The following ABCA12 variants were observed in gnomAD, a reference collection of about 807,000 sequenced individuals.
The protein encoded by ABCA12 is ATP binding cassette subfamily A member 12, also known as glucosylceramide transporter ABCA12.
In ABCA12, 156 loss-of-function variants were observed where a neutral mutation model predicts 293.5. The observed-to-expected ratio is 0.53, with a 90% CI of 0.47 to 0.61. The LOEUF (loss-of-function observed/expected upper bound fraction) is 0.61, where lower values mean the gene tolerates loss of function less well. Among genes scored for constraint, ABCA12 ranks in the 20% least tolerant of loss-of-function variants. ABCA12 has a pLI of 0.00. For missense variants in ABCA12, 2,797 were observed against 3,090.2 expected, an observed-to-expected ratio of 0.91 and a Z score of 2.25; for synonymous variants, 1,063 against 1,108.0, an observed-to-expected ratio of 0.96 and a Z score of 0.81.
At chr2:215,106,228 C>G (rs184119997) in intron 2 of ABCA12, among the ~76,000 whole-genome samples, 6 of 152,210 alleles carry the variant, frequency 3.9e-5, no homozygotes, top group African/African-American at 1.2e-4. Context: ...ACAATTCGGG[C>G]GCTGGAGTCA....
At chr2:214,957,593 C>G (rs1218603314) in intron 41 of ABCA12, among the ~76,000 whole-genome samples, 2 of 152,190 alleles carry the variant, frequency 1.3e-5, no homozygotes, top group Non-Finnish European at 2.9e-5. Flanking sequence ...GTTAATTACT[C>G]TCCAACCCTT....
chr2:214,979,021 T>C lies in ABCA12; in HGVS notation c.4760A>G (p.Asn1587Ser). The change falls in exon 32 of 53, where the codon AAT becomes AGT. Residue 1587 changes from asparagine to serine, a missense_variant. Coordinates refer to ENST00000272895, the MANE Select transcript of ABCA12 (RefSeq NM_173076.3). ...CACGGCCATGGTGTCACATACTGCA[T>C]TTGCATTTAAATTTGGACTCTAAGA... ...TKKKSPNLNA[N>S]AVCDTMAVTA... is the part of the protein sequence containing the mutation. 6.2e-7 allele frequency: 1 copy of C among 1,614,044 alleles called. No homozygotes were observed. The highest frequency in any genetic ancestry group is 1.3e-5 in the African/African-American group (1 of 75,040).
At chr2:215,110,493 C>T (rs867970746) in intron 2 of ABCA12, among the ~76,000 whole-genome samples, 2 of 152,010 alleles carry the variant, frequency 1.3e-5, no homozygotes, top group African/African-American at 4.8e-5. Context: ...CCAGCCTGGG[C>T]GACAGAGTGA....
chr2:215,119,036 T>C (rs1282876668), intron 1 of ABCA12, among the ~76,000 whole-genome samples: 1 of 152,224 alleles, frequency 6.6e-6, no homozygotes, highest in Non-Finnish European at 1.5e-5. Flanking sequence ...AGTGGTACGA[T>C]CTCGGCTCAC....
rs374169066 is a variant in ABCA12 at position 215,012,125 on chromosome 2, G to A, written c.1967C>T (p.Pro656Leu). The change falls in exon 16 of 53, where the codon CCG (proline) becomes CTG (leucine). Residue 656 changes from proline (P) to leucine (L), a missense_variant. Pro to Leu is a moderately conservative substitution (Grantham distance 98). This residue lies in a region of ABCA12 where 2,130 missense variants were observed against 2,427.0 expected (regional missense o/e 0.88). Transcript: ENST00000272895. ...IYNFTYKVFFPRKDQKPVEKM... is the reference protein window; with the variant it reads ...IYNFTYKVFFLRKDQKPVEKM... ...TTCTACTGGCTTTTGATCTTTCCTC[G>A]GGAAAAACACCTAACAGAAACAGAA... 246 of 1,613,442 alleles carry A rather than the reference G, an allele frequency of 1.5e-4. 2 individuals are homozygous for A. Among genetic ancestry groups the A allele is most frequent in the South Asian group, 1.5e-3 (133 of 91,064 alleles).
chr2:215,051,644 G>GTGTGTGTGTA (rs1701323236), intron 5 of ABCA12, among the ~76,000 whole-genome samples: 1 of 148,180 alleles, frequency 6.7e-6, no homozygotes, highest in Non-Finnish European at 1.5e-5. Context: ...GTGTGTGTGT[G>GTGTGTGTGTA]TGTGAAGGTG....
chr2:215,024,701 T>C (rs965399697), intron 11 of ABCA12, among the ~76,000 whole-genome samples: 8 of 152,338 alleles, frequency 5.3e-5, no homozygotes, highest in African/African-American at 1.9e-4. Context: ...AATTATACCA[T>C]GTTCACTATA....
chr2:214,949,179 G>C (rs1484198457), intron 45 of ABCA12, 30 bp from the exon 46 acceptor site: 22 of 1,510,840 alleles, frequency 1.5e-5, no homozygotes, highest in Non-Finnish European at 2.0e-5. Flanking sequence ...GAAGATATAA[G>C]CCTTAATCCA....
rs118054607 is a variant in ABCA12, at chr2:214,973,286, A to G, written c.5562+663T>C. Among the ~76,000 whole-genome samples, 9 of 152,338 alleles carry G rather than the reference A, an allele frequency of 5.9e-5. No individual in the cohort carries two copies. In the East Asian group the frequency reaches 1.7e-3, roughly 29 times the overall value. On this transcript the variant is annotated intron_variant, in intron 36 of 52. Transcript: ENST00000272895. ...CCAAGACACTTCAGTGTACAACCAT[A>G]TGTCACTCTGAAGAAAATATTGCAA... is the stretch of plus-strand genomic sequence containing the variant.
At chr2:215,047,944 C>T (rs770448292) in intron 6 of ABCA12, among the ~76,000 whole-genome samples, 1 of 150,146 alleles carries the variant, frequency 6.7e-6, no homozygotes. Flanking sequence ...TAATATCCAA[C>T]ATCTATAAGG....
Position 215,019,716 on chromosome 2 carries a change from A to G in ABCA12, c.1368T>C (p.Ser456=), listed in dbSNP as rs982992684. The change falls in exon 12 of 53, where the codon TCT becomes TCC. Residue 456 remains serine (S), a synonymous_variant. Transcript: ENST00000272895. ...CACACAGGCTCCCAAAGCTCATATC[A>G]GAGAGCTGGCATGACTTCTCTATCA... ...FSLIEKSCQL[S]DMSFGSLCEE... The G allele has an allele frequency of 1.9e-6, 3 of 1,614,192 alleles. No individual in the cohort carries two copies. Among genetic ancestry groups the G allele is most frequent in the Non-Finnish European group, 2.5e-6 (3 of 1,180,032 alleles).
intron 33 of ABCA12, among the ~76,000 whole-genome samples, chr2:214,976,794 T>G (rs980618387): frequency 4.6e-5 from 7 of 152,144 alleles, no homozygotes; most frequent in African/African-American, 1.7e-4. Flanking sequence ...AGAGCAGCTA[T>G]AGAGGCCATA....
chr2:215,015,102 T>A (rs527985533), intron 15 of ABCA12, among the ~76,000 whole-genome samples: 1 of 152,234 alleles, frequency 6.6e-6, no homozygotes, highest in Non-Finnish European at 1.5e-5. Flanking sequence ...TATTTTTAAT[T>A]AAGAAACCCC....
At chr2:214,991,135 G>T in intron 23 of ABCA12, 104 bp from the exon 24 acceptor site, 1 of 1,007,240 alleles carries the variant, frequency 9.9e-7, no homozygotes, top group Admixed American at 2.0e-5. Context: ...CTCTGTATAT[G>T]GAACTAGGCA....
intron 19 of ABCA12, among the ~76,000 whole-genome samples, chr2:215,005,151 C>G (rs376139057): frequency 6.6e-6 from 1 of 152,048 alleles, no homozygotes; most frequent in African/African-American, 2.4e-5. Context: ...GAGGTAAGGG[C>G]TATTATTACC....
At chr2:215,086,872 T>C (rs1702049972) in intron 2 of ABCA12, among the ~76,000 whole-genome samples, 1 of 152,094 alleles carries the variant, frequency 6.6e-6, no homozygotes, top group African/African-American at 2.4e-5. Context: ...GCCAACAAGA[T>C]TGTAGGGGAC....
In ABCA12 at chr2:214,989,313, G is replaced by C; in HGVS notation, c.3829+16C>G. 3 of 1,611,024 alleles carry C rather than the reference G, an allele frequency of 1.9e-6. No homozygotes were observed. Among genetic ancestry groups the C allele is most frequent in the Non-Finnish European group, 2.5e-6 (3 of 1,179,050 alleles). ...CAACCATAAAAAGCATGTATCTGTAGGAAGCACATTCATACCTGGGAAGAC... is the reference window on the plus strand; with the variant it reads ...CAACCATAAAAAGCATGTATCTGTACGAAGCACATTCATACCTGGGAAGAC... On this transcript the variant is annotated intron_variant, in intron 26 of 52. Transcript: ENST00000272895.
chr2:215,003,717 A>C (rs1379201205), intron 20 of ABCA12, among the ~76,000 whole-genome samples: 1 of 151,578 alleles, frequency 6.6e-6, no homozygotes, highest in Non-Finnish European at 1.5e-5. Flanking sequence ...ACCCAGGCTG[A>C]AGTGCAGTGG....
intron 7 of ABCA12, 65 bp from the exon 8 acceptor site, chr2:215,037,130 T>A: frequency 7.8e-7 from 1 of 1,286,482 alleles, no homozygotes; most frequent in South Asian, 1.2e-5. Context: ...AACAAAAGAT[T>A]ATTCAAGGAG....
Sources: allele counts gnomAD v4.1 joint callset (sites outside exome capture counted in the v4.1 genomes callset), GRCh38; gene constraint gnomAD v4.1.1; regional missense constraint gnomAD v4.1.1; transcripts MANE v1.5; gene names NCBI Gene and HGNC (gene_info 2026-07-23, HGNC 2026-07-21).